The following CHN1 variants were observed in gnomAD, a reference collection of about 807,000 sequenced individuals.
CHN1 encodes the protein N-chimaerin.
CHN1 carries 37 observed loss-of-function variants against 59.5 expected under a neutral mutation model. The ratio of observed to expected loss-of-function variants is 0.62; its 90% CI spans 0.48 to 0.82. The LOEUF (loss-of-function observed/expected upper bound fraction) is 0.82. Among genes scored for constraint, CHN1 ranks in the 40% least tolerant of loss-of-function variants. The pLI, the probability that CHN1 is intolerant of heterozygous loss-of-function variation, is 0.00. For missense variants in CHN1, 469 were observed against 571.0 expected (o/e 0.82, Z 1.82); for synonymous variants, 206 against 200.4 (o/e 1.03, Z -0.24).
chr2:174,846,806 A>C, intron 7 of CHN1, 74 bp downstream of exon 7: 2 of 1,329,974 alleles, frequency 1.5e-6, no homozygotes, highest in Non-Finnish European at 1.0e-6. Flanking sequence ...TTAAAAAGAC[A>C]TAAGATATTC....
At chr2:175,002,648 T>G (rs1002251035) in intron 1 of CHN1, among the ~76,000 whole-genome samples, 4 of 152,178 alleles carry the variant, frequency 2.6e-5, no homozygotes, top group African/African-American at 9.6e-5. Context: ...TGGACTGCAC[T>G]AACTAATCAA....
intron 1 of CHN1, among the ~76,000 whole-genome samples, chr2:175,004,306 G>A (rs1247027788): frequency 6.6e-6 from 1 of 152,178 alleles, no homozygotes; most frequent in African/African-American, 2.4e-5. Flanking sequence ...TCAGTCTCCT[G>A]AGATTACAGT....
intron 11 of CHN1, among the ~76,000 whole-genome samples, chr2:174,804,224 GAGC>G (rs769315723): frequency 2.0e-5 from 3 of 152,166 alleles, no homozygotes; most frequent in Non-Finnish European, 4.4e-5. Flanking sequence ...GGTGGAGGAG[GAGC>G]CATGCAGAGA....
At chr2:174,803,756 G>A (rs1170504546) in intron 11 of CHN1, among the ~76,000 whole-genome samples, 1 of 151,968 alleles carries the variant, frequency 6.6e-6, no homozygotes, top group Non-Finnish European at 1.5e-5. Flanking sequence ...GTCTCACTAT[G>A]TTGCCCAGGC....
intron 7 of CHN1, among the ~76,000 whole-genome samples, chr2:174,843,018 TA>T (rs1686367832): frequency 6.6e-6 from 1 of 152,206 alleles, no homozygotes; most frequent in South Asian, 2.1e-4. Flanking sequence ...CTATAATTCT[TA>T]ATGTTGTTTT....
At chr2:174,886,867 T>G (rs552342670) in intron 5 of CHN1, among the ~76,000 whole-genome samples, 1 of 152,222 alleles carries the variant, frequency 6.6e-6, no homozygotes, top group Non-Finnish European at 1.5e-5. Flanking sequence ...ATAATTTACA[T>G]AGAATAAACT....
intron 6 of CHN1, among the ~76,000 whole-genome samples, chr2:174,873,851 G>GA (rs1005150245): frequency 6.6e-6 from 1 of 151,658 alleles, no homozygotes; most frequent in Non-Finnish European, 1.5e-5. Context: ...TAGAGGGGAA[G>GA]AAAAAAAATA....
chr2:174,934,416 G>A (rs535946628), intron 3 of CHN1, among the ~76,000 whole-genome samples: 1 of 152,304 alleles, frequency 6.6e-6, no homozygotes, highest in Admixed American at 6.5e-5. Flanking sequence ...GCAGTAATGT[G>A]AGCAATGGGG....
intron 2 of CHN1, among the ~76,000 whole-genome samples, chr2:174,945,929 G>GTATATA (rs1260404826): frequency 4.0e-5 from 6 of 149,380 alleles, no homozygotes; most frequent in Non-Finnish European, 7.4e-5. Context: ...GTGTGTGTGT[G>GTATATA]TGTATATATA....
At chr2:174,942,054 T>C (rs1689683143) in intron 3 of CHN1, among the ~76,000 whole-genome samples, 1 of 152,160 alleles carries the variant, frequency 6.6e-6, no homozygotes, top group Non-Finnish European at 1.5e-5. Flanking sequence ...CATACACTGA[T>C]GGTGGGAATG....
At chr2:174,958,236 C>T (rs1320937306) in intron 1 of CHN1, among the ~76,000 whole-genome samples, 1 of 152,130 alleles carries the variant, frequency 6.6e-6, no homozygotes, top group Non-Finnish European at 1.5e-5. Context: ...AATGGAAACT[C>T]TGTGTTTTGC....
chr2:174,996,114 G>C (rs946982005), intron 1 of CHN1, among the ~76,000 whole-genome samples: 2 of 152,196 alleles, frequency 1.3e-5, no homozygotes, highest in Admixed American at 1.3e-4. Flanking sequence ...ATCCGCTGAG[G>C]ATAAGGGGAG....
chr2:174,898,916 CTT>C (rs1688301074), intron 5 of CHN1, among the ~76,000 whole-genome samples: 1 of 151,948 alleles, frequency 6.6e-6, no homozygotes. Context: ...CCAAAATATG[CTT>C]TTGTTTGTCT....
chr2:174,939,888 C>T (rs1689604555), intron 3 of CHN1, among the ~76,000 whole-genome samples: 1 of 151,576 alleles, frequency 6.6e-6, no homozygotes, highest in South Asian at 2.1e-4. Flanking sequence ...GAAACTCCTG[C>T]CTAATTCTGT....
At chr2:174,984,071 T>C (rs1691254145) in intron 1 of CHN1, among the ~76,000 whole-genome samples, 1 of 151,698 alleles carries the variant, frequency 6.6e-6, no homozygotes, top group Non-Finnish European at 1.5e-5. Context: ...TTTTTTTTCA[T>C]TTTCAGAAAT....
At chr2:174,861,100 G>A (rs1687054462) in intron 6 of CHN1, among the ~76,000 whole-genome samples, 1 of 151,982 alleles carries the variant, frequency 6.6e-6, no homozygotes, top group Non-Finnish European at 1.5e-5. Context: ...TTAAAAGCTT[G>A]GCTCTTGAGT....
intron 8 of CHN1, among the ~76,000 whole-genome samples, chr2:174,813,186 A>G (rs150045397): frequency 6.6e-6 from 1 of 152,378 alleles, no homozygotes; most frequent in African/African-American, 2.4e-5. Flanking sequence ...CACAGAAGTA[A>G]TAAGTAATTT....
intron 8 of CHN1, among the ~76,000 whole-genome samples, chr2:174,818,768 T>TA (rs1685370495): frequency 6.6e-6 from 1 of 152,182 alleles, no homozygotes; most frequent in African/African-American, 2.4e-5. Flanking sequence ...AAAATATTTC[T>TA]ATTACTTAGA....
chr2:174,843,025 GTTTTC>G (rs773433687), intron 7 of CHN1, among the ~76,000 whole-genome samples: 2 of 151,914 alleles, frequency 1.3e-5, no homozygotes, highest in African/African-American at 2.4e-5. Flanking sequence ...TCTTAATGTT[GTTTTC>G]TTTTAATTAC....
Sources: allele counts gnomAD v4.1 joint callset (sites outside exome capture counted in the v4.1 genomes callset), GRCh38; gene constraint gnomAD v4.1.1; transcripts MANE v1.5; gene names NCBI Gene and HGNC (gene_info 2026-07-23, HGNC 2026-07-21).